Variants in DNASE1L3 observed in about 807,000 individuals in gnomAD.
The protein encoded by DNASE1L3 is deoxyribonuclease gamma.
DNASE1L3 carries 27 observed loss-of-function variants against 30.9 expected under a neutral mutation model. That is an observed-to-expected ratio of 0.87 (90% CI 0.64 to 1.20). The LOEUF (loss-of-function observed/expected upper bound fraction) is 1.20, where lower values mean the gene tolerates loss of function less well. Among genes scored for constraint, DNASE1L3 ranks in the 50% most tolerant of loss-of-function variants. The probability of loss-of-function intolerance (pLI) is 0.00; values close to 1 mark genes in which losing one functional copy is unlikely to be tolerated. For synonymous variants in DNASE1L3, 135 were observed against 138.0 expected (o/e 0.98, Z 0.15); for missense variants, 364 against 378.2 (o/e 0.96, Z 0.31).
At chr3:58,203,422 G>C (rs951385061) in intron 4 of DNASE1L3, among the ~76,000 whole-genome samples, 6 of 152,162 alleles carry the variant, frequency 3.9e-5, no homozygotes, top group African/African-American at 1.4e-4. Context: ...GTCTTGTCCA[G>C]TGCCCTCAAC....
In DNASE1L3 at chr3:58,206,190, C is replaced by T. The variant is rs9852460; in HGVS notation, c.231-630G>A. Among the ~76,000 whole-genome samples the T allele has an allele frequency of 5.6e-3, 846 of 152,320 alleles. 6 individuals are homozygous for T. Among genetic ancestry groups the T allele is most frequent in the African/African-American group, 0.019 (785 of 41,556 alleles). On this transcript the variant is annotated intron_variant, in intron 2 of 7. Coordinates refer to ENST00000394549, the MANE Select transcript of DNASE1L3 (RefSeq NM_004944.4). ...TGCCCCTCACCTGCACCAGGGAAAG[C>T]GGACTCTTTCTGTGTGTTTACCAAA...
intron 1 of DNASE1L3, among the ~76,000 whole-genome samples, chr3:58,209,343 C>T (rs771267903): frequency 6.6e-5 from 10 of 152,164 alleles, no homozygotes; most frequent in African/African-American, 1.2e-4. Context: ...AAAAGACAGC[C>T]GGGTTTCATC....
intron 1 of DNASE1L3, 106 bp from the exon 2 acceptor site, chr3:58,208,412 A>G: frequency 8.4e-7 from 1 of 1,184,650 alleles, no homozygotes. Flanking sequence ...GTGCTTATTA[A>G]AATAATTTCT....
intron 3 of DNASE1L3, 36 bp downstream of exon 3, chr3:58,205,435 G>T: frequency 6.5e-7 from 1 of 1,544,814 alleles, no homozygotes; most frequent in Non-Finnish European, 8.9e-7. Flanking sequence ...ACGATTTATT[G>T]GTGGCCATGT....
chr3:58,205,594 G>A (rs765457252), intron 2 of DNASE1L3, 34 bp from the exon 3 acceptor site: 1 of 1,544,786 alleles, frequency 6.5e-7, no homozygotes, highest in Non-Finnish European at 8.9e-7. Context: ...GCATCTTGAA[G>A]AGTAAACATT....
intron 1 of DNASE1L3, among the ~76,000 whole-genome samples, chr3:58,209,275 A>G (rs1378516491): frequency 2.0e-5 from 3 of 152,194 alleles, no homozygotes; most frequent in Non-Finnish European, 1.5e-5. Flanking sequence ...TCTGCAGGAC[A>G]CAGCTGCTCA....
rs145888358 is a variant in DNASE1L3 at position 58,210,771 on chromosome 3, C to T, written c.136G>A (p.Val46Met). The T allele has an allele frequency of 1.6e-5, 26 of 1,614,136 alleles. No homozygotes were observed. Among genetic ancestry groups the T allele is most frequent in the Non-Finnish European group, 2.2e-5 (26 of 1,179,996 alleles). The part of the protein sequence containing the change: ...QEDKNAMDVI[V>M]KVIKRCDIIL... ...CTCCCAGGAAAGGGGCTCACCTTCA[C>T]AATGACATCCATGGCATTCTTGTCT... The change falls in exon 1 of 8, where the codon GTG (valine) becomes ATG (methionine). Residue 46 changes from valine to methionine, a missense_variant. By Grantham distance (21) the Val-to-Met change is conservative. Transcript: ENST00000394549.
chr3:58,194,565 C>T (rs1202050666), intron 6 of DNASE1L3, among the ~76,000 whole-genome samples: 1 of 150,972 alleles, frequency 6.6e-6, no homozygotes, highest in Non-Finnish European at 1.5e-5. Flanking sequence ...GGTGATCCGC[C>T]CACCTCAACC....
Position 58,205,328 on chromosome 3 carries a change from C to T in DNASE1L3, c.320+143G>A, listed in dbSNP as rs948622885. ...TTGAAGAGTCAATACTTTGCATAGG[C>T]CCCTAGTTTTGACAGCAATTATTTT... On this transcript the variant is annotated intron_variant, in intron 3 of 7. Transcript: ENST00000394549. The T allele has an allele frequency of 1.6e-5, 12 of 753,248 alleles. No homozygotes were observed. The African/African-American group carries it at 1.9e-4, about 12-fold the overall frequency. The allele number at this position is 753,248 out of a possible 1,614,324, so 46.7% of individuals were successfully genotyped here.
At chr3:58,199,461 G>A (rs940273117) in intron 5 of DNASE1L3, among the ~76,000 whole-genome samples, 5 of 152,176 alleles carry the variant, frequency 3.3e-5, no homozygotes, top group African/African-American at 4.8e-5. Flanking sequence ...CCTGAGGTCA[G>A]GCATTCAAGA....
intron 4 of DNASE1L3, among the ~76,000 whole-genome samples, chr3:58,202,317 G>GTTTTTTTTTTTTTTTTTTTTTTTTTTTTT (rs1171213238): frequency 2.0e-5 from 1 of 48,828 alleles, no homozygotes; most frequent in Non-Finnish European, 3.5e-5. Context: ...GGCTAGCTTT[G>GTTTTTTTTTTTTTTTTTTTTTTTTTTTTT]TTTTTTTTTT....
At chr3:58,210,220 GGAAGAAAGAAAAAGGAAGAAAGAA>G (rs1488342676) in intron 1 of DNASE1L3, among the ~76,000 whole-genome samples, 1 of 68,904 alleles carries the variant, frequency 1.5e-5, no homozygotes, top group African/African-American at 5.0e-5. Context: ...GAAAGAAAAA[GGAAGAAAGAAAAAGGAAGAAAGAA>G]AAAGAAAGAA....
At chr3:58,204,030 C>A (rs561278413) in intron 4 of DNASE1L3, among the ~76,000 whole-genome samples, 2 of 152,204 alleles carry the variant, frequency 1.3e-5, no homozygotes, top group African/African-American at 2.4e-5. Flanking sequence ...GTTCAGGGAG[C>A]AATCCATTTG....
intron 1 of DNASE1L3, among the ~76,000 whole-genome samples, chr3:58,210,427 T>C (rs1401499654): frequency 2.0e-5 from 3 of 152,186 alleles, no homozygotes; most frequent in Non-Finnish European, 4.4e-5. Flanking sequence ...AGTGAAACCA[T>C]GTGCTTATAG....
At chr3:58,193,544 C>G in intron 6 of DNASE1L3, 105 bp from the exon 7 acceptor site, 1 of 980,004 alleles carries the variant, frequency 1.0e-6, no homozygotes, top group Non-Finnish European at 1.5e-6. Context: ...CAGTCTGGCC[C>G]TTTCATGTGG....
chr3:58,202,612 G>T (rs1299711450), intron 4 of DNASE1L3, among the ~76,000 whole-genome samples: 4 of 151,906 alleles, frequency 2.6e-5, no homozygotes, highest in Admixed American at 2.6e-4. Context: ...CCACCACTTT[G>T]GGAGGCTGAG....
Position 58,200,010 on chromosome 3 carries a change from C to T in DNASE1L3, c.546+987G>A, listed in dbSNP as rs1224197880. On this transcript the variant is annotated intron_variant, in intron 5 of 7. Coordinates refer to ENST00000394549, the MANE Select transcript of DNASE1L3 (RefSeq NM_004944.4). The surrounding 1 kb of genome is among the most constrained non-coding windows in gnomAD (Gnocchi z 4.2). The stretch of plus-strand genomic sequence containing the variant: ...ATTCCGAAACGAGAAAAGAGAAATA[C>T]AGAAGAAGAACCCTTGGGTGCACTT... 6.6e-6 allele frequency among the ~76,000 whole-genome samples: 1 copy of T among 152,186 alleles called. No individual in the cohort carries two copies. The highest frequency in any genetic ancestry group is 1.5e-5 in the Non-Finnish European group (1 of 68,038).
At chr3:58,194,837 C>G (rs1027844944) in intron 6 of DNASE1L3, among the ~76,000 whole-genome samples, 8 of 151,622 alleles carry the variant, frequency 5.3e-5, no homozygotes, top group African/African-American at 1.7e-4. Flanking sequence ...ACTGTGTTAG[C>G]CAGGATGGTC....
chr3:58,209,410 A>G (rs532175049), intron 1 of DNASE1L3, among the ~76,000 whole-genome samples: 211 of 152,366 alleles, frequency 1.4e-3, no homozygotes, highest in African/African-American at 4.8e-3. Context: ...CCATGTGTGA[A>G]GTGGGGAAAA....
Sources: gnomAD v4.1 joint callset for allele counts (sites outside exome capture counted in the v4.1 genomes callset) on GRCh38, gnomAD v4.1.1 for gene constraint, Gnocchi (gnomAD v3.1) non-coding constraint, MANE v1.5 for transcripts, NCBI Gene and HGNC (gene_info 2026-07-23, HGNC 2026-07-21) for gene names.